The following RAB43 variants were observed in gnomAD, a reference collection of about 807,000 sequenced individuals.
The protein encoded by RAB43 is RAB43, member RAS oncogene family.
A neutral mutation model predicts 18.8 loss-of-function variants in RAB43; 6 were observed. That is an observed-to-expected ratio of 0.32 (90% confidence interval 0.17 to 0.63). The LOEUF (loss-of-function observed/expected upper bound fraction) is 0.63. Ranked by LOEUF, RAB43 falls within the 30% of genes least tolerant of loss-of-function variation. The pLI, the probability that RAB43 is intolerant of heterozygous loss-of-function variation, is 0.79. For missense variants in RAB43, 195 were observed against 289.1 expected, an observed-to-expected ratio of 0.67 and a Z score of 2.36; for synonymous variants, 103 against 124.1, an observed-to-expected ratio of 0.83 and a Z score of 1.13.
rs190978996 is a variant in RAB43, at chr3:129,115,136, C to T, written c.204+6150G>A. On this transcript the variant is annotated intron_variant, in intron 1 of 2. Coordinates refer to ENST00000315150, the MANE Select transcript of RAB43 (RefSeq NM_198490.3). ...CATGCCTATGGTACAGTATCCCCCA[C>T]TTATCCATGGTTTCACTTTCCAAGG... 1.9e-4 allele frequency among the ~76,000 whole-genome samples: 29 copies of T among 152,290 alleles called. No homozygotes were observed. The East Asian group carries it at 5.4e-3, about 28-fold the overall frequency.
chr3:129,114,418 G>C (rs985732462), intron 1 of RAB43, among the ~76,000 whole-genome samples: 1 of 152,192 alleles, frequency 6.6e-6, no homozygotes, highest in Non-Finnish European at 1.5e-5. Flanking sequence ...TTCAGACTTT[G>C]CCACAAATGG....
intron 1 of RAB43, among the ~76,000 whole-genome samples, chr3:129,109,124 C>T (rs905678309): frequency 4.0e-5 from 6 of 151,664 alleles, no homozygotes; most frequent in Non-Finnish European, 8.8e-5. Flanking sequence ...AAATCAGTGT[C>T]ATTTGGCTGG....
intron 1 of RAB43, among the ~76,000 whole-genome samples, chr3:129,115,820 C>CA (rs1286746096): frequency 6.6e-6 from 1 of 151,926 alleles, no homozygotes; most frequent in Non-Finnish European, 1.5e-5. Context: ...GATTCTGTCT[C>CA]AAAAAAACAA....
In RAB43 at chr3:129,102,630, C is replaced by CAAAAAAAAA. The variant is rs745477635; in HGVS notation, c.205-7470_205-7462dup. 2.9e-5 allele frequency among the ~76,000 whole-genome samples: 2 copies of CAAAAAAAAA among 68,170 alleles called. 1 individual carries two copies. The highest frequency in any genetic ancestry group is 5.3e-5 in the Non-Finnish European group (2 of 37,866). 44.7% of individuals were successfully genotyped at this position (68,170 alleles called of 152,430 possible). A position where few individuals can be genotyped will look rare whatever the true frequency, so the allele number is the denominator to read the frequency against. ...TGGGTGACAGAGCGAGACTCCATCT[C>CAAAAAAAAA]AAAAAAAAAAAAATCACTCAGGTCA... On this transcript the variant is annotated intron_variant, in intron 1 of 2. Coordinates refer to ENST00000315150, the MANE Select transcript of RAB43 (RefSeq NM_198490.3).
intron 1 of RAB43, among the ~76,000 whole-genome samples, chr3:129,109,143 G>A (rs1162217632): frequency 6.6e-6 from 1 of 152,158 alleles, no homozygotes; most frequent in Non-Finnish European, 1.5e-5. Context: ...GGGTGCGGTG[G>A]CTCACACCTG....
At position 129,114,074 on chromosome 3, in the gene RAB43, GTT is replaced by G. The variant is rs1935343826; in HGVS notation, c.204+7210_204+7211del. Among the ~76,000 whole-genome samples, 2 of 152,124 alleles carry G rather than the reference GTT, an allele frequency of 1.3e-5. 1 individual carries two copies. Among genetic ancestry groups the G allele is most frequent in the South Asian group, 4.1e-4 (2 of 4,836 alleles). Reference sequence around the variant, plus strand: ...AAGATCTGGTATGTAACAGCATTTGGTTAGCTTCTGCTGCCACATCAACAATA... The same window carrying G: ...AAGATCTGGTATGTAACAGCATTTGGAGCTTCTGCTGCCACATCAACAATA... On this transcript the variant is annotated intron_variant, in intron 1 of 2. Coordinates refer to ENST00000315150, the MANE Select transcript of RAB43 (RefSeq NM_198490.3).
chr3:129,110,923 G>A (rs150123300), intron 1 of RAB43, among the ~76,000 whole-genome samples: 222 of 151,224 alleles, frequency 1.5e-3, no homozygotes, highest in African/African-American at 5.0e-3. Flanking sequence ...GAACTTGGGA[G>A]AGTGCTACTT....
At chr3:129,102,528 G>A (rs945430566) in intron 1 of RAB43, among the ~76,000 whole-genome samples, 32 of 149,278 alleles carry the variant, frequency 2.1e-4, no homozygotes, top group Admixed American at 2.1e-4. Context: ...TACTCAGGAG[G>A]CTGAGGCAGG....
chr3:129,093,268 T>A (rs1933803324), intron 2 of RAB43, among the ~76,000 whole-genome samples: 1 of 151,862 alleles, frequency 6.6e-6, no homozygotes, highest in Non-Finnish European at 1.5e-5. Context: ...GGATTACAGG[T>A]GTGAGCCACC....
At chr3:129,109,098 T>C (rs1247289947) in intron 1 of RAB43, among the ~76,000 whole-genome samples, 2 of 150,866 alleles carry the variant, frequency 1.3e-5, no homozygotes, top group African/African-American at 4.9e-5. Flanking sequence ...TGTACTGATC[T>C]GTAAATTAAT....
At chr3:129,116,703 A>G (rs1397534539) in intron 1 of RAB43, among the ~76,000 whole-genome samples, 5 of 152,310 alleles carry the variant, frequency 3.3e-5, no homozygotes, top group South Asian at 2.1e-4. Flanking sequence ...CTTTACCTCT[A>G]TGAAGGAGAG....
rs1306843808 is a variant in RAB43 at position 129,090,127 on chromosome 3, G to A, written c.*969C>T. On this transcript the variant is annotated 3_prime_UTR_variant, in exon 3 of 3. Transcript: ENST00000315150. ...AGGGAATAAAATGGGCCAGGCCAAGGACCGCCAGGGCCTCTCCTTTTTTGT... is the reference window on the plus strand; with the variant it reads ...AGGGAATAAAATGGGCCAGGCCAAGAACCGCCAGGGCCTCTCCTTTTTTGT... 5 of 151,664 alleles carry A rather than the reference G, an allele frequency of 3.3e-5. No homozygotes were observed. The highest frequency in any genetic ancestry group is 4.8e-5 in the African/African-American group (2 of 41,340). The allele number at this position is 151,664 out of a possible 1,614,324, so 9.4% of individuals were successfully genotyped here. A position where few individuals can be genotyped will look rare whatever the true frequency, so the allele number is the denominator to read the frequency against.
intron 1 of RAB43, among the ~76,000 whole-genome samples, chr3:129,116,654 A>G (rs1019923465): frequency 4.6e-5 from 7 of 152,198 alleles, no homozygotes; most frequent in Non-Finnish European, 1.0e-4. Flanking sequence ...TCAAGGCCAA[A>G]GGTCCTGAAA....
chr3:129,091,384 G>C (rs755701542), intron 2 of RAB43, 38 bp from the exon 3 acceptor site: 1 of 1,585,608 alleles, frequency 6.3e-7, no homozygotes, highest in Non-Finnish European at 8.6e-7. Context: ...GGCCATGGGG[G>C]CTGGGCAAGC....
intron 1 of RAB43, among the ~76,000 whole-genome samples, chr3:129,103,946 G>GCA (rs71153168): frequency 0.046 from 6,931 of 151,608 alleles, 213 homozygotes; most frequent in Non-Finnish European, 0.071. Context: ...TGCCTGACAT[G>GCA]CACACACACA....
chr3:129,092,977 A>G (rs900461763), intron 2 of RAB43, among the ~76,000 whole-genome samples: 7 of 151,838 alleles, frequency 4.6e-5, no homozygotes, highest in Admixed American at 1.3e-4. Context: ...AAAGTTCTAT[A>G]ATAGAATGTT....
intron 1 of RAB43, among the ~76,000 whole-genome samples, chr3:129,115,315 T>C (rs1199959561): frequency 7.2e-6 from 1 of 137,992 alleles, no homozygotes; most frequent in African/African-American, 2.7e-5. Flanking sequence ...TGGTGAAACG[T>C]TGTCTCTACT....
At chr3:129,092,432 C>T (rs1317820181) in intron 2 of RAB43, 2 of 650,174 alleles carry the variant, frequency 3.1e-6, no homozygotes, top group Non-Finnish European at 5.6e-6. Flanking sequence ...TTGCTAATTG[C>T]TGAAGCAGGG....
At chr3:129,096,440 C>T (rs1270792940) in intron 1 of RAB43, among the ~76,000 whole-genome samples, 1 of 152,254 alleles carries the variant, frequency 6.6e-6, no homozygotes, top group Non-Finnish European at 1.5e-5. Flanking sequence ...GCAGCTCATG[C>T]ATGGCAGCAT....
Sources: allele counts gnomAD v4.1 joint callset (sites outside exome capture counted in the v4.1 genomes callset), GRCh38; gene constraint gnomAD v4.1.1; transcripts MANE v1.5; gene names NCBI Gene and HGNC (gene_info 2026-07-23, HGNC 2026-07-21).